The following CFAP69 variants were observed in gnomAD, a reference collection of about 807,000 sequenced individuals.
The protein encoded by CFAP69 is cilia- and flagella-associated protein 69.
Under a neutral mutation model 123.0 loss-of-function variants are expected in CFAP69, and 92 were observed. That is an observed-to-expected ratio of 0.75 (90% CI 0.63 to 0.89). The LOEUF (loss-of-function observed/expected upper bound fraction) is 0.89, where lower values mean the gene tolerates loss of function less well. CFAP69 is among the 40% of genes least tolerant of loss of function. CFAP69 has a pLI of 0.00. For synonymous variants in CFAP69, 380 were observed against 364.3 expected (o/e 1.04, Z -0.49); for missense variants, 1,067 against 1,096.9 (o/e 0.97, Z 0.39).
At chr7:90,264,250 A>T (rs1342154554) in intron 4 of CFAP69, among the ~76,000 whole-genome samples, 1 of 150,828 alleles carries the variant, frequency 6.6e-6, no homozygotes, top group East Asian at 1.9e-4. Context: ...TATATATTTA[A>T]AAAATAACTT....
At chr7:90,316,330 C>T in the CFAP69 span, among the ~76,000 whole-genome samples, 7 of 152,158 alleles carry the variant, frequency 4.6e-5, no homozygotes, top group Non-Finnish European at 1.0e-4. Context: ...GGTACCACTG[C>T]AAGAATTGGT....
chr7:90,266,352 C>T (rs1799161740), intron 5 of CFAP69, among the ~76,000 whole-genome samples: 1 of 151,952 alleles, frequency 6.6e-6, no homozygotes, highest in Middle Eastern at 3.2e-3. Context: ...TAAAGAAAAA[C>T]ACCTTAGGAA....
At chr7:90,264,538 C>T (rs2116807117) in intron 4 of CFAP69, among the ~76,000 whole-genome samples, 1 of 152,144 alleles carries the variant, frequency 6.6e-6, no homozygotes, top group South Asian at 2.1e-4. Flanking sequence ...AGGAAAAGCT[C>T]TTAACCAGTT....
At chr7:90,287,515 T>C in intron 14 of CFAP69, 1 of 985,396 alleles carries the variant, frequency 1.0e-6, no homozygotes, top group Non-Finnish European at 1.2e-6. Context: ...CATAGTGAAC[T>C]CTGAGTCTCA....
chr7:90,316,386 T>A, the CFAP69 span: 3 of 152,228 alleles, frequency 2.0e-5, no homozygotes, highest in East Asian at 5.8e-4. Context: ...TGATTTTGAA[T>A]AGGACAAAAG....
chr7:90,287,813 T>A, intron 14 of CFAP69: 1 of 851,646 alleles, frequency 1.2e-6, no homozygotes, highest in Non-Finnish European at 1.4e-6. Context: ...ATGTTTTAAC[T>A]ACATTTATAT....
downstream of CFAP69, among the ~76,000 whole-genome samples, chr7:90,314,916 AG>A (rs1794648978): frequency 6.6e-6 from 1 of 152,022 alleles, no homozygotes; most frequent in Non-Finnish European, 1.5e-5. Flanking sequence ...CAAATTTACA[AG>A]AAGAAAAACA....
At chr7:90,255,680 G>A (rs1163387721) in intron 2 of CFAP69, among the ~76,000 whole-genome samples, 198 bp downstream of exon 2, 1 of 152,154 alleles carries the variant, frequency 6.6e-6, no homozygotes, top group Non-Finnish European at 1.5e-5. Context: ...ACTGGAGGAA[G>A]AGAATAGATT....
At chr7:90,278,600 C>A (rs894553178) in intron 11 of CFAP69, among the ~76,000 whole-genome samples, 1 of 151,916 alleles carries the variant, frequency 6.6e-6, no homozygotes, top group African/African-American at 2.4e-5. Context: ...GTTTATAAGT[C>A]AATTCTAATT....
chr7:90,300,878 TG>T (rs1470926716), intron 17 of CFAP69: 1 of 152,634 alleles, frequency 6.6e-6, no homozygotes, highest in Non-Finnish European at 1.5e-5. Context: ...CTCAAGCTCC[TG>T]GGCTCAAGCG....
At chr7:90,282,550 A>G (rs532489601) in intron 12 of CFAP69, among the ~76,000 whole-genome samples, 81 of 152,284 alleles carry the variant, frequency 5.3e-4, no homozygotes, top group African/African-American at 1.9e-3. Flanking sequence ...GATAAACTAT[A>G]ATTTATTTAT....
chr7:90,321,288 C>A, the CFAP69 span: 2 of 152,344 alleles, frequency 1.3e-5, no homozygotes, highest in Admixed American at 1.3e-4. Context: ...TGCGGCCACG[C>A]GGGGTTCCCG....
At chr7:90,246,493 G>C (rs966101179) in intron 1 of CFAP69, among the ~76,000 whole-genome samples, 1 of 152,242 alleles carries the variant, frequency 6.6e-6, no homozygotes, top group Non-Finnish European at 1.5e-5. Flanking sequence ...GTGGTCAGTT[G>C]ACTGGGGAAT....
At chr7:90,271,337 C>G (rs1424641052) in intron 6 of CFAP69, among the ~76,000 whole-genome samples, 189 bp from the exon 7 acceptor site, 2 of 152,056 alleles carry the variant, frequency 1.3e-5, no homozygotes, top group Non-Finnish European at 2.9e-5. Context: ...TTATAACCTG[C>G]AAAGCTTAAA....
the CFAP69 span, chr7:90,319,822 A>G: frequency 2.5e-6 from 1 of 397,630 alleles, no homozygotes; most frequent in Non-Finnish European, 4.4e-6. Context: ...GATCTAAAAA[A>G]CTGTAAGTAC....
At position 90,277,337 on chromosome 7, in the gene CFAP69, A is replaced by G. The variant is rs758804883; in HGVS notation, c.1155+3A>G. On this transcript the variant is annotated splice_donor_region_variant and intron_variant, in intron 11 of 22. Coordinates refer to ENST00000389297, the MANE Select transcript of CFAP69 (RefSeq NM_001039706.3). ...GTAAAGATTTACCTACTGTACAGGT[A>G]AAGAGTAATCAAGGCAGGAAAATCA... 6.6e-7 allele frequency: 1 copy of G among 1,509,346 alleles called. No individual in the cohort carries two copies. Among genetic ancestry groups the G allele is most frequent in the East Asian group, 2.4e-5 (1 of 40,936 alleles). 93.5% of individuals were successfully genotyped at this position (1,509,346 alleles called of 1,614,324 possible).
intron 11 of CFAP69, among the ~76,000 whole-genome samples, chr7:90,279,211 C>A (rs1314458276): frequency 6.6e-6 from 1 of 151,940 alleles, no homozygotes; most frequent in Non-Finnish European, 1.5e-5. Context: ...TAGTCATTAC[C>A]TCAGACAAAA....
At chr7:90,260,901 A>C (rs1202867114) in intron 3 of CFAP69, among the ~76,000 whole-genome samples, 1 of 152,092 alleles carries the variant, frequency 6.6e-6, no homozygotes, top group East Asian at 1.9e-4. Flanking sequence ...TATCTTGGTC[A>C]CTTCTCTAGG....
intron 9 of CFAP69, 46 bp downstream of exon 9, chr7:90,274,156 G>A (rs1257596867): frequency 6.3e-7 from 1 of 1,575,420 alleles, no homozygotes; most frequent in South Asian, 1.2e-5. Flanking sequence ...GGAAGTGGTG[G>A]GCTTGGGTGA....
Sources: gnomAD v4.1 joint callset for allele counts (sites outside exome capture counted in the v4.1 genomes callset) on GRCh38, gnomAD v4.1.1 for gene constraint, MANE v1.5 for transcripts, NCBI Gene and HGNC (gene_info 2026-07-23, HGNC 2026-07-21) for gene names.